Variants in MED13 observed in about 807,000 individuals in gnomAD.
MED13 encodes the protein mediator of RNA polymerase II transcription subunit 13.
Under a neutral mutation model 225.2 loss-of-function variants are expected in MED13, and 23 were observed. The ratio of observed to expected loss-of-function variants is 0.10; its 90% CI spans 0.07 to 0.14. The LOEUF (loss-of-function observed/expected upper bound fraction) is 0.14. Ranked by LOEUF, MED13 falls within the 10% of genes least tolerant of loss-of-function variation. The probability of loss-of-function intolerance (pLI) is 1.00; values close to 1 mark genes in which losing one functional copy is unlikely to be tolerated. For synonymous variants in MED13, 942 were observed against 889.2 expected (o/e 1.06, Z -1.06); for missense variants, 2,197 against 2,594.5 (o/e 0.85, Z 3.33).
intron 12 of MED13, among the ~76,000 whole-genome samples, chr17:61,986,554 T>C (rs1401454401): frequency 6.6e-6 from 1 of 152,360 alleles, no homozygotes; most frequent in Non-Finnish European, 1.5e-5. Flanking sequence ...GTATCTGTCT[T>C]ATAATAGCTG....
At chr17:61,970,771 T>G (rs887916925) in intron 17 of MED13, among the ~76,000 whole-genome samples, 1 of 130,802 alleles carries the variant, frequency 7.6e-6, no homozygotes, top group African/African-American at 2.9e-5. Flanking sequence ...GTGCTTATAA[T>G]CCTAGCCCTT....
At chr17:62,056,355 A>T (rs1049681251) in intron 2 of MED13, among the ~76,000 whole-genome samples, 1 of 152,248 alleles carries the variant, frequency 6.6e-6, no homozygotes, top group African/African-American at 2.4e-5. Flanking sequence ...GAATCTCAAC[A>T]CCAGCATTAT....
At chr17:61,955,055 C>A (rs576876912) in intron 26 of MED13, among the ~76,000 whole-genome samples, 1 of 152,272 alleles carries the variant, frequency 6.6e-6, no homozygotes, top group South Asian at 2.1e-4. Flanking sequence ...TATTCTTTGG[C>A]TCATGGGCTC....
At chr17:61,986,863 A>G (rs374676330) in intron 12 of MED13, 144 bp downstream of exon 12, 16 of 439,656 alleles carry the variant, frequency 3.6e-5, no homozygotes, top group Admixed American at 2.8e-4. Flanking sequence ...TTTAAAAAAG[A>G]AATCAATGAA....
chr17:62,059,571 G>C (rs1404552808), intron 2 of MED13, among the ~76,000 whole-genome samples: 1 of 152,146 alleles, frequency 6.6e-6, no homozygotes, highest in Non-Finnish European at 1.5e-5. Flanking sequence ...TTGGAACTCA[G>C]GACTGCCTCC....
At chr17:61,969,978 G>A (rs2080092842) in intron 17 of MED13, among the ~76,000 whole-genome samples, 1 of 152,110 alleles carries the variant, frequency 6.6e-6, no homozygotes, top group South Asian at 2.1e-4. Context: ...TAAGAACATG[G>A]AGATTACAAA....
intron 12 of MED13, 138 bp from the exon 13 acceptor site, chr17:61,985,228 T>A (rs780178037): frequency 4.7e-5 from 29 of 621,796 alleles, no homozygotes; most frequent in Non-Finnish European, 6.9e-5. Flanking sequence ...GCCAAATACA[T>A]ACTAGTGTTG....
At chr17:62,009,512 T>C (rs752213980) in intron 9 of MED13, among the ~76,000 whole-genome samples, 30 of 152,304 alleles carry the variant, frequency 2.0e-4, no homozygotes, top group Non-Finnish European at 4.1e-4. Context: ...AAGACACATA[T>C]TTAGACAATG....
At chr17:62,015,312 T>C (rs1433575190) in intron 8 of MED13, among the ~76,000 whole-genome samples, 1 of 152,196 alleles carries the variant, frequency 6.6e-6, no homozygotes, top group Non-Finnish European at 1.5e-5. Context: ...TTTAAAAACC[T>C]TTATCAAGAG....
At chr17:62,008,792 C>A (rs546348882) in intron 9 of MED13, among the ~76,000 whole-genome samples, 7 of 151,824 alleles carry the variant, frequency 4.6e-5, no homozygotes, top group Admixed American at 1.3e-4. Flanking sequence ...TGAGTCTAAT[C>A]AAAATGAAAT....
chr17:61,947,002 G>A lies in MED13; in HGVS notation c.6307C>T (p.His2103Tyr). Residue 2103 changes from histidine to tyrosine, a missense_variant, in exon 29 of 30, where the codon CAC (histidine) becomes TAC (tyrosine). Physicochemically the swap from His to Tyr is moderately conservative, Grantham distance 83 (BLOSUM62 2). Transcript: ENST00000397786. ...TCGTCAGATTGCACTGAAGGCACGTGGAGGTGCAAAGAGGCCTAAGAAGGT... is the reference window on the plus strand; with the variant it reads ...TCGTCAGATTGCACTGAAGGCACGTAGAGGTGCAAAGAGGCCTAAGAAGGT... ...PLFLKASLHLHVPSVQSDELL... is the reference protein window; with the variant it reads ...PLFLKASLHLYVPSVQSDELL... The A allele has an allele frequency of 6.2e-7, 1 of 1,613,860 alleles. No homozygotes were observed. Among genetic ancestry groups the A allele is most frequent in the Non-Finnish European group, 8.5e-7 (1 of 1,179,808 alleles).
chr17:62,042,148 T>C (rs529968423), intron 3 of MED13, among the ~76,000 whole-genome samples: 3 of 152,328 alleles, frequency 2.0e-5, no homozygotes, highest in African/African-American at 7.2e-5. Context: ...TCAGGTATTA[T>C]TAACATAGCT....
rs556749039 is a variant in MED13 at position 61,952,220 on chromosome 17, T to A, written c.6117+745A>T. 9.2e-5 allele frequency among the ~76,000 whole-genome samples: 14 copies of A among 152,132 alleles called. No individual in the cohort carries two copies. The South Asian group carries it at 2.9e-3, about 32-fold the overall frequency. ...GTATATATAATTTCAAATAGAGAGG[T>A]GTTATTAACTGAAGCCCAGTTCGTT... On this transcript the variant is annotated intron_variant, in intron 27 of 29. Coordinates refer to ENST00000397786, the MANE Select transcript of MED13 (RefSeq NM_005121.3).
intron 11 of MED13, among the ~76,000 whole-genome samples, chr17:61,989,220 C>T (rs1286950343): frequency 6.6e-6 from 1 of 152,084 alleles, no homozygotes; most frequent in Non-Finnish European, 1.5e-5. Context: ...CTGTGTTAGC[C>T]AGGATGGTCT....
In MED13 at chr17:61,956,392, G is replaced by A; in HGVS notation, c.5570C>T (p.Pro1857Leu). 1 of 1,613,806 alleles carries A rather than the reference G, an allele frequency of 6.2e-7. No individual in the cohort carries two copies. Among genetic ancestry groups the A allele is most frequent in the South Asian group, 1.1e-5 (1 of 91,038 alleles). Residue 1857 changes from proline (P) to leucine (L), a missense_variant, in exon 24 of 30, where the codon CCA (proline) becomes CTA (leucine). Transcript: ENST00000397786. ...TAGACGACCAATTACAACTCTCCAT[G>A]GCAATGAACTCATTTGTACAAGTCC... is the stretch of plus-strand genomic sequence containing the variant. ...CLGLVQMSSL[P>L]WRVVIGRLGR...
chr17:62,006,503 C>T (rs969599171), intron 9 of MED13: 6 of 152,112 alleles, frequency 3.9e-5, no homozygotes, highest in African/African-American at 1.4e-4. Context: ...TATCATAAAG[C>T]GAATTATCTG....
chr17:62,032,819 T>G (rs1251619106), intron 5 of MED13, among the ~76,000 whole-genome samples: 1 of 152,194 alleles, frequency 6.6e-6, no homozygotes, highest in Non-Finnish European at 1.5e-5. Flanking sequence ...GGTCCCTGAA[T>G]GAGAGGACAT....
Position 61,965,488 on chromosome 17 carries a change from A to G in MED13, c.4382-20T>C. 6.3e-7 allele frequency: 1 copy of G among 1,584,030 alleles called. No individual in the cohort carries two copies. Among genetic ancestry groups the G allele is most frequent in the Non-Finnish European group, 8.6e-7 (1 of 1,164,614 alleles). ...AAGGACCTAAAGAATAAAAACAGGT[A>G]CGAAATTTAATTCTTTATTTCACTG... On this transcript the variant is annotated intron_variant, in intron 19 of 29. Transcript: ENST00000397786.
At chr17:62,022,869 GC>G (rs1248772158) in intron 8 of MED13, among the ~76,000 whole-genome samples, 1 of 152,002 alleles carries the variant, frequency 6.6e-6, no homozygotes, top group African/African-American at 2.4e-5. Flanking sequence ...AATTATCCGA[GC>G]ATTGAGGCAC....
Sources: gnomAD v4.1 joint callset for allele counts (sites outside exome capture counted in the v4.1 genomes callset) on GRCh38, gnomAD v4.1.1 for gene constraint, MANE v1.5 for transcripts, NCBI Gene and HGNC (gene_info 2026-07-23, HGNC 2026-07-21) for gene names.